TMTC2: variants seen among roughly 807,000 people sequenced by gnomAD.
TMTC2 encodes protein O-mannosyl-transferase TMTC2.
Under a neutral mutation model 82.4 loss-of-function variants are expected in TMTC2, and 43 were observed. The ratio of observed to expected loss-of-function variants is 0.52; its 90% confidence interval spans 0.41 to 0.67. The LOEUF (loss-of-function observed/expected upper bound fraction) is 0.67. Among genes scored for constraint, TMTC2 ranks in the 30% least tolerant of loss-of-function variants. TMTC2 has a pLI of 0.00. For synonymous variants in TMTC2, 408 were observed against 381.9 expected, an observed-to-expected ratio of 1.07 and a Z score of -0.80; for missense variants, 919 against 1,012.4, an observed-to-expected ratio of 0.91 and a Z score of 1.25.
At chr12:83,006,244 C>T (rs1308959020) in intron 8 of TMTC2, among the ~76,000 whole-genome samples, 3 of 152,056 alleles carry the variant, frequency 2.0e-5, no homozygotes, top group Non-Finnish European at 4.4e-5. Flanking sequence ...TTGGTGCCTG[C>T]GTTGCCTCTC....
chr12:82,857,284 G>A lies in TMTC2; in HGVS notation c.358G>A (p.Gly120Ser), dbSNP rs772606593. The change falls in exon 2 of 12, where the codon GGC (glycine) becomes AGC (serine). Residue 120 changes from glycine (G) to serine (S), a missense_variant. Coordinates refer to ENST00000321196, the MANE Select transcript of TMTC2 (RefSeq NM_152588.3). ...TGATGGATACTGGACATTCATGGCT[G>A]GCTTGATGTTTGCTTCTCACCCCAT... ...LGDGYWTFMAGLMFASHPIHT... is the reference protein window; with the variant it reads ...LGDGYWTFMASLMFASHPIHT... 1.2e-6 allele frequency: 2 copies of A among 1,614,180 alleles called. No individual in the cohort carries two copies. Among genetic ancestry groups the A allele is most frequent in the Admixed American group, 1.7e-5 (1 of 60,020 alleles).
intron 11 of TMTC2, among the ~76,000 whole-genome samples, chr12:83,124,808 C>T (rs1885056561): frequency 6.6e-6 from 1 of 151,874 alleles, no homozygotes; most frequent in African/African-American, 2.4e-5. Context: ...ACCTCTGAAA[C>T]ATGATTTGCG....
At chr12:82,932,671 G>C (rs1306114984) in intron 4 of TMTC2, among the ~76,000 whole-genome samples, 1 of 151,944 alleles carries the variant, frequency 6.6e-6, no homozygotes, top group Non-Finnish European at 1.5e-5. Context: ...ATGTCAAAGG[G>C]GGCCTCTTGC....
At chr12:82,773,801 A>G (rs926187284) in intron 1 of TMTC2, among the ~76,000 whole-genome samples, 2 of 152,092 alleles carry the variant, frequency 1.3e-5, no homozygotes, top group Non-Finnish European at 2.9e-5. Context: ...TGAGCCCTAA[A>G]GTGACTCCAG....
intron 1 of TMTC2, among the ~76,000 whole-genome samples, chr12:82,774,924 G>A (rs1198548925): frequency 2.6e-5 from 4 of 151,918 alleles, no homozygotes; most frequent in Admixed American, 6.6e-5. Flanking sequence ...AGGTATTCAC[G>A]TCCTCAGCCC....
intron 1 of TMTC2, among the ~76,000 whole-genome samples, chr12:82,729,136 C>T (rs1253610907): frequency 6.6e-6 from 1 of 152,234 alleles, no homozygotes; most frequent in Non-Finnish European, 1.5e-5. Context: ...GCAGGCAGCT[C>T]CACCTGTGGC....
chr12:83,076,402 C>A (rs1883283945), intron 11 of TMTC2, among the ~76,000 whole-genome samples: 1 of 152,156 alleles, frequency 6.6e-6, no homozygotes, highest in Non-Finnish European at 1.5e-5. Flanking sequence ...TTTTTACTCA[C>A]ATTTCTTTGT....
chr12:83,085,733 C>A (rs1185598123), intron 11 of TMTC2, among the ~76,000 whole-genome samples: 1 of 152,166 alleles, frequency 6.6e-6, no homozygotes, highest in Non-Finnish European at 1.5e-5. Flanking sequence ...ATAAGAAAGT[C>A]ATATTTGACA....
intron 11 of TMTC2, among the ~76,000 whole-genome samples, chr12:83,094,585 C>T (rs953449726): frequency 3.3e-5 from 5 of 151,884 alleles, no homozygotes; most frequent in Admixed American, 1.3e-4. Flanking sequence ...ACGGGTTGGG[C>T]GAAGAAAGAC....
At chr12:82,742,664 C>T (rs997084046) in intron 1 of TMTC2, among the ~76,000 whole-genome samples, 6 of 151,878 alleles carry the variant, frequency 4.0e-5, no homozygotes, top group East Asian at 1.9e-4. Context: ...GGATTATAGG[C>T]GCCTGCCATC....
chr12:82,799,386 C>T (rs989961211), intron 1 of TMTC2, among the ~76,000 whole-genome samples: 2 of 152,074 alleles, frequency 1.3e-5, no homozygotes, highest in South Asian at 2.1e-4. Flanking sequence ...CTAGGGATTA[C>T]GTGGAAAGGT....
At chr12:82,722,217 T>C (rs560357755) in intron 1 of TMTC2, among the ~76,000 whole-genome samples, 1 of 152,126 alleles carries the variant, frequency 6.6e-6, no homozygotes, top group East Asian at 1.9e-4. Context: ...TACTACTTCT[T>C]ACTTGCCTTT....
intron 1 of TMTC2, among the ~76,000 whole-genome samples, chr12:82,847,671 C>A (rs2137100886): frequency 6.6e-6 from 1 of 152,236 alleles, no homozygotes; most frequent in Non-Finnish European, 1.5e-5. Flanking sequence ...TGGAAACCAT[C>A]ATTCTCAGCA....
chr12:82,894,303 G>T (rs1466434014), intron 2 of TMTC2, among the ~76,000 whole-genome samples: 1 of 152,152 alleles, frequency 6.6e-6, no homozygotes, highest in Non-Finnish European at 1.5e-5. Flanking sequence ...TTAGGTTGAA[G>T]GTAGAGTGGA....
chr12:83,073,039 G>A (rs1413156757), intron 11 of TMTC2, among the ~76,000 whole-genome samples: 1 of 145,530 alleles, frequency 6.9e-6, no homozygotes, highest in Non-Finnish European at 1.5e-5. Flanking sequence ...TTTGTTGCCT[G>A]TGTACTTTGG....
At chr12:82,873,398 T>C (rs1263407369) in intron 2 of TMTC2, among the ~76,000 whole-genome samples, 1 of 152,074 alleles carries the variant, frequency 6.6e-6, no homozygotes, top group East Asian at 1.9e-4. Flanking sequence ...TATAACAAAT[T>C]GGCACTGAAG....
At chr12:82,907,776 G>T (rs1161109261) in intron 3 of TMTC2, among the ~76,000 whole-genome samples, 1 of 152,098 alleles carries the variant, frequency 6.6e-6, no homozygotes, top group African/African-American at 2.4e-5. Context: ...ATATGATTAA[G>T]CATGAAGGTA....
At chr12:82,705,698 C>A (rs1478475790) in intron 1 of TMTC2, among the ~76,000 whole-genome samples, 1 of 152,182 alleles carries the variant, frequency 6.6e-6, no homozygotes, top group African/African-American at 2.4e-5. Context: ...CCCGAGAAAG[C>A]ATCAGTGTGG....
intron 1 of TMTC2, among the ~76,000 whole-genome samples, chr12:82,848,965 C>G (rs1265007445): frequency 6.6e-6 from 1 of 152,018 alleles, no homozygotes; most frequent in Non-Finnish European, 1.5e-5. Flanking sequence ...ATGGTTTGAG[C>G]GGCAGCATAG....
Sources: allele counts gnomAD v4.1 joint callset (sites outside exome capture counted in the v4.1 genomes callset), GRCh38; gene constraint gnomAD v4.1.1; transcripts MANE v1.5; gene names NCBI Gene and HGNC (gene_info 2026-07-23, HGNC 2026-07-21).